The following DCN variants were observed in gnomAD, a reference collection of about 807,000 sequenced individuals.
DCN encodes the protein decorin, also known as bone proteoglycan II.
Under a neutral mutation model 36.5 loss-of-function variants are expected in DCN, and 17 were observed. The ratio of observed to expected loss-of-function variants is 0.47; its 90% confidence interval spans 0.32 to 0.70. The LOEUF is 0.70. Among genes scored for constraint, DCN ranks in the 30% least tolerant of loss-of-function variants. The pLI, the probability that DCN is intolerant of heterozygous loss-of-function variation, is 0.04. For missense variants in DCN, 389 were observed against 430.1 expected (o/e 0.90, Z 0.84); for synonymous variants, 163 against 161.4 (o/e 1.01, Z -0.07).
At chr12:91,179,495 C>T (rs1472044018) in intron 1 of DCN, 2 of 152,214 alleles carry the variant, frequency 1.3e-5, no homozygotes, top group Non-Finnish European at 2.9e-5. Flanking sequence ...TTTTAAAGAA[C>T]TTATCACATT....
In DCN at chr12:91,143,698, AG is replaced by A. The variant is rs889196512; in HGVS notation, c.*2359del. 2.6e-5 allele frequency: 4 copies of A among 151,954 alleles called. No individual in the cohort carries two copies. Among genetic ancestry groups the A allele is most frequent in the Admixed American group, 6.6e-5 (1 of 15,236 alleles). 9.4% of individuals were successfully genotyped at this position (151,954 alleles called of 1,614,324 possible). ...ATGGACAAGGAAATGAGTCACAGAA[AG>A]GTTAACTAGCTTCCCTTAGTCATGC... On this transcript the variant is annotated 3_prime_UTR_variant, in exon 8 of 8. Coordinates refer to ENST00000052754, the MANE Select transcript of DCN (RefSeq NM_001920.5).
chr12:91,180,030 T>G (rs893646578), intron 1 of DCN, among the ~76,000 whole-genome samples: 2 of 149,364 alleles, frequency 1.3e-5, no homozygotes, highest in African/African-American at 5.1e-5. Flanking sequence ...GACAAAATCG[T>G]AATAAATCTG....
intron 2 of DCN, among the ~76,000 whole-genome samples, chr12:91,173,145 A>T (rs995807554): frequency 1.9e-4 from 29 of 152,112 alleles, no homozygotes; most frequent in Admixed American, 7.2e-4. Context: ...GAACTATGTA[A>T]TCTTTTTCCA....
intron 3 of DCN, among the ~76,000 whole-genome samples, chr12:91,162,933 T>C (rs1247824596): frequency 6.6e-6 from 1 of 152,214 alleles, no homozygotes; most frequent in Non-Finnish European, 1.5e-5. Flanking sequence ...AATTTCCAGA[T>C]TCTTTATCTC....
chr12:91,151,568 G>A, intron 7 of DCN, 86 bp downstream of exon 7: 1 of 1,517,528 alleles, frequency 6.6e-7, no homozygotes, highest in Non-Finnish European at 9.1e-7. Context: ...CTTCTAAGAA[G>A]AGCTTCCTGC....
intron 1 of DCN, among the ~76,000 whole-genome samples, chr12:91,181,151 A>T (rs778528591): frequency 2.8e-4 from 32 of 115,210 alleles, no homozygotes; most frequent in South Asian, 4.8e-4. Context: ...TGTGTGTGTG[A>T]GAGAGAGAGA....
chr12:91,162,452 C>T (rs535902029), intron 3 of DCN, among the ~76,000 whole-genome samples: 1 of 151,944 alleles, frequency 6.6e-6, no homozygotes, highest in African/African-American at 2.4e-5. Context: ...ATATTATTTC[C>T]TTTGTATCTA....
At chr12:91,170,753 T>C (rs1370092864) in intron 2 of DCN, among the ~76,000 whole-genome samples, 1 of 152,194 alleles carries the variant, frequency 6.6e-6, no homozygotes, top group Non-Finnish European at 1.5e-5. Context: ...TCAGGCTCCA[T>C]TTCCTCATCT....
At chr12:91,160,954 T>C (rs1882119382) in intron 3 of DCN, among the ~76,000 whole-genome samples, 1 of 152,136 alleles carries the variant, frequency 6.6e-6, no homozygotes, top group African/African-American at 2.4e-5. Flanking sequence ...GGGAACATGA[T>C]TCTGTTAAAT....
chr12:91,177,977 G>T (rs1276251132), intron 2 of DCN, among the ~76,000 whole-genome samples: 1 of 152,058 alleles, frequency 6.6e-6, no homozygotes, highest in African/African-American at 2.4e-5. Flanking sequence ...TTTTATAAAA[G>T]CATATTATAG....
chr12:91,159,834 C>T (rs1056355855), intron 3 of DCN, among the ~76,000 whole-genome samples: 2 of 151,932 alleles, frequency 1.3e-5, no homozygotes, highest in Admixed American at 6.6e-5. Context: ...TTATAAGGAA[C>T]TTAAAATAAC....
chr12:91,175,070 A>C (rs1035754942), intron 2 of DCN: 1 of 152,114 alleles, frequency 6.6e-6, no homozygotes, highest in Admixed American at 6.6e-5. Context: ...TAGAAGAATG[A>C]GTTACATTGT....
intron 2 of DCN, among the ~76,000 whole-genome samples, chr12:91,166,644 T>C (rs949285659): frequency 2.6e-5 from 4 of 152,180 alleles, no homozygotes; most frequent in African/African-American, 4.8e-5. Context: ...AAACTGCAGA[T>C]AAAATTTCAA....
chr12:91,167,059 G>C (rs1232028681), intron 2 of DCN, among the ~76,000 whole-genome samples: 2 of 152,160 alleles, frequency 1.3e-5, no homozygotes, highest in African/African-American at 4.8e-5. Context: ...ACATGAACAA[G>C]CTTATCTAGT....
intron 2 of DCN, chr12:91,176,223 G>C (rs1205340738): frequency 6.6e-6 from 1 of 151,780 alleles, no homozygotes; most frequent in East Asian, 1.9e-4. Flanking sequence ...AAAATACCTT[G>C]CATGAGACCA....
intron 3 of DCN, among the ~76,000 whole-genome samples, chr12:91,161,645 T>A (rs989807944): frequency 3.3e-5 from 5 of 152,196 alleles, no homozygotes; most frequent in African/African-American, 1.2e-4. Context: ...CAGCTTGTCC[T>A]TATCCTCCAT....
intron 3 of DCN, among the ~76,000 whole-genome samples, chr12:91,164,212 G>C (rs1288911932): frequency 6.6e-6 from 1 of 151,802 alleles, no homozygotes; most frequent in East Asian, 1.9e-4. Context: ...TCTGGGGACT[G>C]TGGTGGGGTC....
rs142855703 is a variant in DCN, at chr12:91,182,093, A to G, written c.-34+562T>C. 8.5e-3 allele frequency among the ~76,000 whole-genome samples: 1,299 copies of G among 152,196 alleles called. 10 individuals are homozygous for G. The highest frequency in any genetic ancestry group is 0.028 in the African/African-American group (1,175 of 41,540). ...TAAGAAATTATACAGCGTTTTTAGTATCTTAGGCATTTAATAACATAAATA... is the reference window on the plus strand; with the variant it reads ...TAAGAAATTATACAGCGTTTTTAGTGTCTTAGGCATTTAATAACATAAATA... On this transcript the variant is annotated intron_variant, in intron 1 of 7. Transcript: ENST00000052754.
At chr12:91,168,906 C>T (rs535905437) in intron 2 of DCN, among the ~76,000 whole-genome samples, 14 of 152,182 alleles carry the variant, frequency 9.2e-5, no homozygotes, top group Non-Finnish European at 1.8e-4. Context: ...AGAGTGACTA[C>T]TCCAGCAGTA....
Sources: allele counts gnomAD v4.1 joint callset (sites outside exome capture counted in the v4.1 genomes callset), GRCh38; gene constraint gnomAD v4.1.1; transcripts MANE v1.5; gene names NCBI Gene and HGNC (gene_info 2026-07-23, HGNC 2026-07-21).